The following BTBD10 variants were observed in gnomAD, a reference collection of about 807,000 sequenced individuals.
The protein encoded by BTBD10 is BTB domain containing 10.
Under a neutral mutation model 53.2 loss-of-function variants are expected in BTBD10, and 21 were observed. That is an observed-to-expected ratio of 0.39 (90% CI 0.28 to 0.57). BTBD10 has a LOEUF of 0.57. Ranked by LOEUF, BTBD10 falls within the 20% of genes least tolerant of loss-of-function variation. The pLI is 0.53. For synonymous variants in BTBD10, 149 were observed against 192.7 expected, an observed-to-expected ratio of 0.77 and a Z score of 1.88; for missense variants, 360 against 594.7, an observed-to-expected ratio of 0.61 and a Z score of 4.10.
chr11:13,412,016 A>G (rs968167053), intron 6 of BTBD10, among the ~76,000 whole-genome samples: 1 of 152,062 alleles, frequency 6.6e-6, no homozygotes, highest in Non-Finnish European at 1.5e-5. Context: ...TTTTTAGTAG[A>G]GAAGAGGTTT....
At chr11:13,460,375 T>G (rs1413605363) in intron 1 of BTBD10, among the ~76,000 whole-genome samples, 1 of 152,148 alleles carries the variant, frequency 6.6e-6, no homozygotes, top group Non-Finnish European at 1.5e-5. Context: ...GACCCCCAAC[T>G]TGCCCTCTAT....
In BTBD10 at chr11:13,417,837, CA is replaced by C. The variant is rs1950151599; in HGVS notation, c.585-578del. ...ACAAGCAATCAAATGCTGGGATAGA[CA>C]GGAATGAAGAAATAAGACAAGGGCA... On this transcript the variant is annotated intron_variant, in intron 4 of 8. Coordinates refer to ENST00000278174, the MANE Select transcript of BTBD10 (RefSeq NM_032320.7). Among the ~76,000 whole-genome samples the C allele has an allele frequency of 7.2e-5, 11 of 152,124 alleles. No homozygotes were observed. The South Asian group carries it at 2.3e-3, about 32-fold the overall frequency.
At chr11:13,396,710 G>A (rs936132097) in intron 8 of BTBD10, among the ~76,000 whole-genome samples, 7 of 152,116 alleles carry the variant, frequency 4.6e-5, no homozygotes, top group South Asian at 2.1e-4. Flanking sequence ...TTTGAGATAC[G>A]TTCCATCAAT....
intron 2 of BTBD10, among the ~76,000 whole-genome samples, chr11:13,430,286 CTT>C (rs2133993843): frequency 6.6e-6 from 1 of 152,218 alleles, no homozygotes; most frequent in East Asian, 1.9e-4. Flanking sequence ...GATAGCGTCA[CTT>C]GTCATTAAAG....
chr11:13,437,813 G>A (rs1051018052), intron 2 of BTBD10, among the ~76,000 whole-genome samples: 9 of 152,050 alleles, frequency 5.9e-5, no homozygotes, highest in African/African-American at 9.7e-5. Flanking sequence ...TCAAAATCAA[G>A]CCCAGAATCT....
intron 8 of BTBD10, among the ~76,000 whole-genome samples, chr11:13,401,138 A>G (rs886072536): frequency 7.2e-6 from 1 of 138,354 alleles, no homozygotes; most frequent in African/African-American, 2.5e-5. Flanking sequence ...TATATATATT[A>G]CATTATATAT....
intron 8 of BTBD10, among the ~76,000 whole-genome samples, chr11:13,393,603 T>C (rs1422333089): frequency 1.3e-5 from 2 of 151,952 alleles, no homozygotes; most frequent in African/African-American, 4.8e-5. Flanking sequence ...TACATATTAG[T>C]GGAGAAAGAA....
At chr11:13,427,890 TA>T (rs1376432548) in intron 2 of BTBD10, among the ~76,000 whole-genome samples, 1 of 151,636 alleles carries the variant, frequency 6.6e-6, no homozygotes, top group African/African-American at 2.4e-5. Flanking sequence ...GAGCAATAAA[TA>T]AATCAAAAAG....
At chr11:13,413,712 T>A in intron 5 of BTBD10, 62 bp from the exon 6 acceptor site, 2 of 1,469,886 alleles carry the variant, frequency 1.4e-6, no homozygotes, top group Admixed American at 4.2e-5. Context: ...CAAAACTTAT[T>A]ATTAAGGAAG....
At chr11:13,457,457 T>C (rs1270211759) in intron 1 of BTBD10, among the ~76,000 whole-genome samples, 1 of 152,172 alleles carries the variant, frequency 6.6e-6, no homozygotes, top group Non-Finnish European at 1.5e-5. Flanking sequence ...AATACATCGT[T>C]AGGTTAAACA....
chr11:13,451,739 GC>G (rs1950863325), intron 1 of BTBD10, among the ~76,000 whole-genome samples: 1 of 152,000 alleles, frequency 6.6e-6, no homozygotes, highest in South Asian at 2.1e-4. Flanking sequence ...ACAGTAAAAG[GC>G]AGAAAACAGA....
At chr11:13,445,851 G>A (rs936150264) in intron 1 of BTBD10, among the ~76,000 whole-genome samples, 14 of 152,096 alleles carry the variant, frequency 9.2e-5, no homozygotes, top group Non-Finnish European at 1.0e-4. Flanking sequence ...CTTAACAACA[G>A]CTTTACAGAA....
chr11:13,424,625 T>C (rs72857012), intron 2 of BTBD10, among the ~76,000 whole-genome samples: 1,843 of 152,162 alleles, frequency 0.012, 21 homozygotes, highest in Non-Finnish European at 0.02. Flanking sequence ...ATTGAAGAGT[T>C]TGAAATTCAT....
chr11:13,410,023 G>A (rs1949905876), intron 6 of BTBD10, among the ~76,000 whole-genome samples: 1 of 152,114 alleles, frequency 6.6e-6, no homozygotes, highest in South Asian at 2.1e-4. Context: ...GGAAGTGAGG[G>A]ATAAAAGACT....
At chr11:13,419,426 A>T in intron 4 of BTBD10, 34 bp downstream of exon 4, 1 of 1,593,344 alleles carries the variant, frequency 6.3e-7, no homozygotes. Context: ...AGCACATTAT[A>T]ATTAGTAATG....
intron 5 of BTBD10, among the ~76,000 whole-genome samples, chr11:13,414,818 C>T (rs1271858680): frequency 6.3e-5 from 8 of 127,124 alleles, no homozygotes; most frequent in South Asian, 5.5e-4. Flanking sequence ...CCAGCCTGGG[C>T]GACGGAGCGA....
chr11:13,394,785 C>T (rs189265779), intron 8 of BTBD10, among the ~76,000 whole-genome samples: 25 of 151,168 alleles, frequency 1.7e-4, no homozygotes, highest in Admixed American at 1.5e-3. Flanking sequence ...ATGAGTGAGA[C>T]CATGCGGTGT....
At chr11:13,425,835 TA>T (rs1192515699) in intron 2 of BTBD10, among the ~76,000 whole-genome samples, 1 of 152,176 alleles carries the variant, frequency 6.6e-6, no homozygotes, top group Non-Finnish European at 1.5e-5. Context: ...TATCACTCAG[TA>T]CCTCTAAATA....
intron 6 of BTBD10, among the ~76,000 whole-genome samples, chr11:13,409,307 G>T (rs1949892320): frequency 2.0e-5 from 3 of 151,798 alleles, no homozygotes; most frequent in Admixed American, 2.0e-4. Flanking sequence ...TTTCTCCTTG[G>T]CACTTATCAC....
Sources: allele counts gnomAD v4.1 joint callset (sites outside exome capture counted in the v4.1 genomes callset), GRCh38; gene constraint gnomAD v4.1.1; transcripts MANE v1.5; gene names NCBI Gene and HGNC (gene_info 2026-07-23, HGNC 2026-07-21).